The following ARPC1B variants were observed in gnomAD, a reference collection of about 807,000 sequenced individuals.
ARPC1B encodes the protein actin-related protein 2/3 complex subunit 1B.
A neutral mutation model predicts 46.0 loss-of-function variants in ARPC1B; 29 were observed. The ratio of observed to expected loss-of-function variants is 0.63; its 90% CI spans 0.47 to 0.86. The LOEUF (loss-of-function observed/expected upper bound fraction) is 0.86, where lower values mean the gene tolerates loss of function less well. Among genes scored for constraint, ARPC1B ranks in the 40% least tolerant of loss-of-function variants. ARPC1B has a pLI of 0.00. For missense variants in ARPC1B, 469 were observed against 529.4 expected, an observed-to-expected ratio of 0.89 and a Z score of 1.12; for synonymous variants, 201 against 213.9, an observed-to-expected ratio of 0.94 and a Z score of 0.53.
intron 1 of ARPC1B, among the ~76,000 whole-genome samples, chr7:99,376,088 A>G (rs1389391196): frequency 6.6e-6 from 1 of 150,652 alleles, no homozygotes; most frequent in African/African-American, 2.5e-5. Flanking sequence ...GCCACGTAAC[A>G]TGCCTGTAAT....
intron 1 of ARPC1B, among the ~76,000 whole-genome samples, chr7:99,375,522 C>T (rs1008315425): frequency 3.3e-5 from 5 of 152,128 alleles, no homozygotes; most frequent in Admixed American, 2.0e-4. Context: ...CCGCCTAGGG[C>T]GGGGCGGGGC....
intron 1 of ARPC1B, among the ~76,000 whole-genome samples, chr7:99,382,543 C>T (rs926050139): frequency 2.6e-5 from 4 of 151,962 alleles, no homozygotes; most frequent in Non-Finnish European, 5.9e-5. Context: ...AATCATAGCT[C>T]ACTGCAGCCT....
chr7:99,390,985 C>T lies in ARPC1B; in HGVS notation c.593C>T (p.Ser198Phe). 6.2e-7 allele frequency: 1 copy of T among 1,613,956 alleles called. No individual in the cohort carries two copies. ...KMPFGELMFE[S>F]SSSCGWVHGV... is the part of the protein sequence containing the mutation. ...CCCTTTGGGGAACTGATGTTCGAAT[C>T]CAGCAGTAGCTGCGGCTGGGTACAT... The change falls in exon 6 of 10, where the codon TCC (serine) becomes TTC (phenylalanine). Residue 198 changes from serine to phenylalanine, a missense_variant. Transcript: ENST00000646101.
Position 99,385,681 on chromosome 7 carries a change from CTCTT to C in ARPC1B, c.-13-20_-13-17del, listed in dbSNP as rs749977227. The stretch of plus-strand genomic sequence containing the variant: ...CAAGGTTGGGGCTGACGTGGATTCT[CTCTT>C]CCTCTCTCGGGCACAGGAGCCAAGC... On this transcript the variant is annotated splice_polypyrimidine_tract_variant and intron_variant, in intron 1 of 9. Transcript: ENST00000646101. The C allele has an allele frequency of 6.3e-7, 1 of 1,597,082 alleles. No homozygotes were observed. Among genetic ancestry groups the C allele is most frequent in the Non-Finnish European group, 8.5e-7 (1 of 1,173,870 alleles).
chr7:99,378,772 T>C (rs1748350142), intron 1 of ARPC1B, among the ~76,000 whole-genome samples: 2 of 128,202 alleles, frequency 1.6e-5, no homozygotes, highest in African/African-American at 4.4e-5. Flanking sequence ...AATTTTCTTT[T>C]TCTTTTTTTT....
At chr7:99,387,546 T>C (rs1244734232) in intron 3 of ARPC1B, among the ~76,000 whole-genome samples, 3 of 152,150 alleles carry the variant, frequency 2.0e-5, no homozygotes, top group Non-Finnish European at 2.9e-5. Flanking sequence ...AAGACCAGCC[T>C]GGTCAACATG....
intron 1 of ARPC1B, among the ~76,000 whole-genome samples, chr7:99,376,858 G>A (rs758848411): frequency 6.8e-6 from 1 of 147,808 alleles, no homozygotes; most frequent in Non-Finnish European, 1.5e-5. Flanking sequence ...GTTACAAAGC[G>A]AGACTCTGTC....
chr7:99,393,719 G>C (rs1361164412), intron 8 of ARPC1B, among the ~76,000 whole-genome samples: 1 of 152,152 alleles, frequency 6.6e-6, no homozygotes, highest in Non-Finnish European at 1.5e-5. Context: ...CCAGCTATCA[G>C]CTTAGTCCCT....
At chr7:99,381,381 CAT>C (rs372722664) in intron 1 of ARPC1B, among the ~76,000 whole-genome samples, 123 of 152,170 alleles carry the variant, frequency 8.1e-4, no homozygotes, top group South Asian at 6.8e-3. Context: ...CAAGGCTAAA[CAT>C]GTGCTTAAAG....
chr7:99,394,642 G>A lies in ARPC1B; in HGVS notation c.*153G>A. 7.0e-7 allele frequency: 1 copy of A among 1,433,642 alleles called. No homozygotes were observed. Among genetic ancestry groups the A allele is most frequent in the Middle Eastern group, 2.1e-4 (1 of 4,774 alleles). The allele number at this position is 1,433,642 out of a possible 1,614,324, so 88.8% of individuals were successfully genotyped here. A position where few individuals can be genotyped will look rare whatever the true frequency, so the allele number is the denominator to read the frequency against. ...CAAAAAGGGAGGGGACAGATGGGGA[G>A]CTTTTCTTACCTATTCAAGGAATAC... On this transcript the variant is annotated 3_prime_UTR_variant, in exon 10 of 10. Coordinates refer to ENST00000646101, the MANE Select transcript of ARPC1B (RefSeq NM_005720.4).
At chr7:99,394,166 C>A in intron 9 of ARPC1B, 47 bp downstream of exon 9, 1 of 1,587,276 alleles carries the variant, frequency 6.3e-7, no homozygotes, top group Non-Finnish European at 8.6e-7. Context: ...CCAGGTCAAC[C>A]CTTTCCCCCC....
chr7:99,388,311 A>C, intron 4 of ARPC1B, 50 bp downstream of exon 4: 1 of 1,572,164 alleles, frequency 6.4e-7, no homozygotes, highest in Non-Finnish European at 8.7e-7. Context: ...CGGGGGCAGG[A>C]CTAGAGTGTC....
At chr7:99,392,646 C>T (rs1274426816) in intron 7 of ARPC1B, 25 bp from the exon 8 acceptor site, 1 of 1,461,516 alleles carries the variant, frequency 6.8e-7, no homozygotes, top group East Asian at 2.7e-5. Flanking sequence ...CCGCGGCGCT[C>T]CAATGGCCCC....
chr7:99,391,190 G>A lies in ARPC1B; in HGVS notation c.720G>A (p.Leu240=), dbSNP rs767620205. The part of the protein sequence containing the change: ...DADKKMAVAT[L]ASETLPLLAL... ...TCTCTCCCCTCAGCGTCGCGACTCT[G>A]GCCTCTGAAACACTACCACTGCTGG... Residue 240 remains leucine (L), a synonymous_variant, in exon 7 of 10, where the codon CTG becomes CTA. Coordinates refer to ENST00000646101, the MANE Select transcript of ARPC1B (RefSeq NM_005720.4). 1 of 1,614,068 alleles carries A rather than the reference G, an allele frequency of 6.2e-7. No individual in the cohort carries two copies. The highest frequency in any genetic ancestry group is 8.5e-7 in the Non-Finnish European group (1 of 1,180,014).
Position 99,389,908 on chromosome 7 carries a change from GGTTTGCAA to G in ARPC1B, c.398_405del (p.Val133AlafsTer28), listed in dbSNP as rs2150895308. Reference sequence around the variant, plus strand: ...TCTGCCTGACCACCGTTCCCAGGTGGGTTTGCAAGCACATCAAGAAGCCCATCCGCTCC... The same window carrying G: ...TCTGCCTGACCACCGTTCCCAGGTGGGCACATCAAGAAGCCCATCCGCTCC... On this transcript the variant is annotated frameshift_variant, in exon 5 of 10. Transcript: ENST00000646101. LOFTEE classifies it high-confidence loss of function. The G allele has an allele frequency of 9.3e-6, 15 of 1,613,990 alleles. No homozygotes were observed. Among genetic ancestry groups the G allele is most frequent in the Non-Finnish European group, 1.3e-5 (15 of 1,179,908 alleles).
At chr7:99,377,927 C>G (rs114859316) in intron 1 of ARPC1B, among the ~76,000 whole-genome samples, 1 of 151,912 alleles carries the variant, frequency 6.6e-6, no homozygotes, top group East Asian at 1.9e-4. Context: ...CCACCGCACC[C>G]GTCGGTTGAT....
In ARPC1B at chr7:99,378,770, T is replaced by G. The variant is rs191895666; in HGVS notation, c.-14+3989T>G. On this transcript the variant is annotated intron_variant, in intron 1 of 9. Transcript: ENST00000646101. ...TGTGACCAAAGAATGTTAATTTTCT[T>G]TTTCTTTTTTTTTTTTTTTTTTTTG... Among the ~76,000 whole-genome samples the G allele has an allele frequency of 2.7e-3, 346 of 128,464 alleles. 1 individual carries two copies. The highest frequency in any genetic ancestry group is 0.014 in the African/African-American group (327 of 22,680). The allele number at this position is 128,464 out of a possible 152,430, so 84.3% of individuals were successfully genotyped here. A position where few individuals can be genotyped will look rare whatever the true frequency, so the allele number is the denominator to read the frequency against.
At chr7:99,378,777 T>C (rs1002228143) in intron 1 of ARPC1B, among the ~76,000 whole-genome samples, 4 of 130,550 alleles carry the variant, frequency 3.1e-5, no homozygotes, top group Non-Finnish European at 4.8e-5. Context: ...TCTTTTTCTT[T>C]TTTTTTTTTT....
intron 1 of ARPC1B, among the ~76,000 whole-genome samples, chr7:99,378,680 C>T (rs893461939): frequency 6.6e-6 from 1 of 150,894 alleles, no homozygotes; most frequent in Non-Finnish European, 1.5e-5. Context: ...GAGACTACAT[C>T]TCAAAAATAA....
Sources: allele counts gnomAD v4.1 joint callset (sites outside exome capture counted in the v4.1 genomes callset), GRCh38; gene constraint gnomAD v4.1.1; transcripts MANE v1.5; gene names NCBI Gene and HGNC (gene_info 2026-07-23, HGNC 2026-07-21).